KCNK2: variants seen among roughly 807,000 people sequenced by gnomAD.
KCNK2 encodes the protein potassium channel subfamily K member 2.
In KCNK2, 21 loss-of-function variants were observed where a neutral mutation model predicts 40.5. The ratio of observed to expected loss-of-function variants is 0.52; its 90% CI spans 0.37 to 0.75. The LOEUF (loss-of-function observed/expected upper bound fraction) is 0.75. KCNK2 is among the 30% of genes least tolerant of loss of function. The pLI, the probability that KCNK2 is intolerant of heterozygous loss-of-function variation, is 0.00. For synonymous variants in KCNK2, 191 were observed against 202.2 expected, an observed-to-expected ratio of 0.94 and a Z score of 0.47; for missense variants, 399 against 531.6, an observed-to-expected ratio of 0.75 and a Z score of 2.45.
chr1:215,203,847 G>C (rs540831135), intron 6 of KCNK2, among the ~76,000 whole-genome samples: 3 of 151,562 alleles, frequency 2.0e-5, no homozygotes, highest in Non-Finnish European at 2.9e-5. Flanking sequence ...GACCATCCTG[G>C]CAAACACCAT....
upstream of KCNK2, among the ~76,000 whole-genome samples, chr1:215,078,185 C>G (rs1229493478): frequency 6.6e-6 from 1 of 152,188 alleles, no homozygotes; most frequent in African/African-American, 2.4e-5. Flanking sequence ...GGGCCACATT[C>G]AAAGCCATCC....
intron 2 of KCNK2, among the ~76,000 whole-genome samples, chr1:215,092,879 G>A (rs577297629): frequency 3.9e-5 from 6 of 152,192 alleles, no homozygotes; most frequent in African/African-American, 1.2e-4. Context: ...CTTGGTTATC[G>A]TGTCTCATGC....
In KCNK2 at chr1:215,236,003, T is replaced by A. The variant is rs1666866529; in HGVS notation, c.*858T>A. 2 of 151,354 alleles carry A rather than the reference T, an allele frequency of 1.3e-5. No homozygotes were observed. Among genetic ancestry groups the A allele is most frequent in the Admixed American group, 6.6e-5 (1 of 15,090 alleles). 9.4% of individuals were successfully genotyped at this position (151,354 alleles called of 1,614,324 possible). On this transcript the variant is annotated 3_prime_UTR_variant, in exon 7 of 7. Transcript: ENST00000444842. Reference sequence around the variant, plus strand: ...TTTTCCTGGCAGTATTTGGAATTTATCATTTATTAATAACTATACATTTTT... The same window carrying A: ...TTTTCCTGGCAGTATTTGGAATTTAACATTTATTAATAACTATACATTTTT...
intron 6 of KCNK2, among the ~76,000 whole-genome samples, chr1:215,232,732 A>C (rs1666720924): frequency 6.6e-6 from 1 of 152,170 alleles, no homozygotes; most frequent in South Asian, 2.1e-4. Context: ...GACAATTACC[A>C]AAGTAAAGTG....
intron 2 of KCNK2, among the ~76,000 whole-genome samples, chr1:215,116,588 C>G (rs2102570504): frequency 6.6e-6 from 1 of 152,132 alleles, no homozygotes; most frequent in African/African-American, 2.4e-5. Context: ...CTTCATTAGT[C>G]TGTTTAAAAA....
At chr1:215,131,393 A>G (rs1661671218) in intron 3 of KCNK2, among the ~76,000 whole-genome samples, 1 of 147,060 alleles carries the variant, frequency 6.8e-6, no homozygotes, top group Admixed American at 6.8e-5. Flanking sequence ...ATATAGTAAT[A>G]TGTAATTAGT....
intron 1 of KCNK2, among the ~76,000 whole-genome samples, chr1:215,034,336 A>G (rs532452904): frequency 7.5e-6 from 1 of 133,798 alleles, no homozygotes; most frequent in Admixed American, 7.5e-5. Context: ...GCTGATGGGC[A>G]CTTATGTTGT....
At chr1:215,119,035 G>A (rs6662353) in intron 2 of KCNK2, among the ~76,000 whole-genome samples, 116,799 of 152,072 alleles carry the variant, frequency 0.77, 45,167 homozygotes, top group Non-Finnish European at 0.79. Flanking sequence ...TGCCATTTGT[G>A]TTTTAAGATC....
intron 5 of KCNK2, among the ~76,000 whole-genome samples, chr1:215,193,997 CAT>C (rs2102663690): frequency 2.6e-5 from 1 of 39,008 alleles, no homozygotes; most frequent in African/African-American, 4.8e-5. Context: ...TATGTCCTCT[CAT>C]AGTACTTTTT....
At chr1:215,038,585 A>G (rs995353416) in intron 1 of KCNK2, among the ~76,000 whole-genome samples, 2 of 152,078 alleles carry the variant, frequency 1.3e-5, no homozygotes, top group African/African-American at 4.8e-5. Context: ...CCTTGTTTTT[A>G]ATCTCTATAT....
At chr1:215,114,077 T>C (rs776293517) in intron 2 of KCNK2, among the ~76,000 whole-genome samples, 1 of 152,112 alleles carries the variant, frequency 6.6e-6, no homozygotes, top group Admixed American at 6.6e-5. Context: ...GTTTAAAAGT[T>C]TTCTGCATGT....
intron 1 of KCNK2, among the ~76,000 whole-genome samples, chr1:215,064,283 T>C (rs1356171703): frequency 1.3e-5 from 2 of 152,048 alleles, no homozygotes; most frequent in African/African-American, 4.8e-5. Flanking sequence ...TTTCAACAAT[T>C]TTTTGTGCTA....
chr1:215,185,181 C>T (rs116824011), intron 5 of KCNK2, among the ~76,000 whole-genome samples: 2,165 of 151,716 alleles, frequency 0.014, 60 homozygotes, highest in African/African-American at 0.049. Context: ...TAGAAATATA[C>T]GTTAATTATA....
chr1:215,224,380 G>T (rs1454323574), intron 6 of KCNK2, among the ~76,000 whole-genome samples: 1 of 152,028 alleles, frequency 6.6e-6, no homozygotes, highest in Non-Finnish European at 1.5e-5. Context: ...TGTTACAGAC[G>T]CATGGCTCAA....
In KCNK2 at chr1:215,025,440, T is replaced by G. The variant is rs886932712; in HGVS notation, c.34+19485T>G. Among the ~76,000 whole-genome samples, 15 of 152,190 alleles carry G rather than the reference T, an allele frequency of 9.9e-5. 1 individual carries two copies. The South Asian group carries it at 3.1e-3, about 31-fold the overall frequency. ...TCCCTATTCCCTGTCTTCATTCTCCTATATTTACCTCTCCTACACCACTTA... is the reference window on the plus strand; with the variant it reads ...TCCCTATTCCCTGTCTTCATTCTCCGATATTTACCTCTCCTACACCACTTA... On this transcript the variant is annotated intron_variant, in intron 1 of 6. Transcript: ENST00000391895.
chr1:215,220,691 C>T (rs1175812101), intron 6 of KCNK2, among the ~76,000 whole-genome samples: 1 of 152,170 alleles, frequency 6.6e-6, no homozygotes, highest in Admixed American at 6.5e-5. Flanking sequence ...CTGCAGTGAA[C>T]ATAAAATGCC....
At chr1:215,141,435 C>T (rs116474620) in intron 3 of KCNK2, among the ~76,000 whole-genome samples, 517 of 152,104 alleles carry the variant, frequency 3.4e-3, no homozygotes, top group Middle Eastern at 0.01. Context: ...AATTTTTCAG[C>T]TCTGTTATAA....
chr1:215,109,161 A>C (rs1321100983), intron 2 of KCNK2, among the ~76,000 whole-genome samples: 1 of 152,040 alleles, frequency 6.6e-6, no homozygotes, highest in East Asian at 1.9e-4. Context: ...CAGGGTATTT[A>C]GGATATCTGT....
intron 1 of KCNK2, among the ~76,000 whole-genome samples, chr1:215,007,037 A>G (rs76811932): frequency 0.18 from 9,193 of 50,512 alleles, 947 homozygotes; most frequent in African/African-American, 0.3. Flanking sequence ...ATATATATAT[A>G]TGTGTGTGTG....
Sources: allele counts gnomAD v4.1 joint callset (sites outside exome capture counted in the v4.1 genomes callset), GRCh38; gene constraint gnomAD v4.1.1; transcripts MANE v1.5; gene names NCBI Gene and HGNC (gene_info 2026-07-23, HGNC 2026-07-21).